Variants in PPP1R9A observed in about 807,000 individuals in gnomAD.
The protein encoded by PPP1R9A is neurabin-1.
A neutral mutation model predicts 141.9 loss-of-function variants in PPP1R9A; 59 were observed. The ratio of observed to expected loss-of-function variants is 0.42; its 90% CI spans 0.34 to 0.52. The LOEUF (loss-of-function observed/expected upper bound fraction) is 0.52. Ranked by LOEUF, PPP1R9A falls within the 20% of genes least tolerant of loss-of-function variation. The pLI, the probability that PPP1R9A is intolerant of heterozygous loss-of-function variation, is 0.10. For missense variants in PPP1R9A, 1,444 were observed against 1,611.9 expected, an observed-to-expected ratio of 0.90 and a Z score of 1.78; for synonymous variants, 500 against 569.7, an observed-to-expected ratio of 0.88 and a Z score of 1.74.
chr7:95,083,351 G>A (rs1816186683), intron 2 of PPP1R9A, among the ~76,000 whole-genome samples: 1 of 151,388 alleles, frequency 6.6e-6, no homozygotes, highest in Admixed American at 6.6e-5. Flanking sequence ...CCCGGTATAG[G>A]GCAAGACACC....
At chr7:95,128,928 C>T (rs1174234724) in intron 4 of PPP1R9A, among the ~76,000 whole-genome samples, 1 of 152,118 alleles carries the variant, frequency 6.6e-6, no homozygotes, top group African/African-American at 2.4e-5. Flanking sequence ...CTCCCAAGGC[C>T]AATGTCCTGA....
intron 12 of PPP1R9A, among the ~76,000 whole-genome samples, chr7:95,263,574 C>A (rs879850560): frequency 6.6e-6 from 1 of 151,990 alleles, no homozygotes; most frequent in Non-Finnish European, 1.5e-5. Context: ...CAGGTGCACG[C>A]CATCACACCT....
chr7:95,199,746 G>A (rs550820266), intron 6 of PPP1R9A, among the ~76,000 whole-genome samples: 1 of 152,270 alleles, frequency 6.6e-6, no homozygotes, highest in Admixed American at 6.5e-5. Flanking sequence ...TATTTTGTAT[G>A]AAAAATGTTC....
chr7:95,080,872 C>T (rs1380625772), intron 2 of PPP1R9A, among the ~76,000 whole-genome samples: 1 of 152,094 alleles, frequency 6.6e-6, no homozygotes, highest in Non-Finnish European at 1.5e-5. Context: ...GTCAAAACAG[C>T]AGAGATTTAT....
intron 4 of PPP1R9A, among the ~76,000 whole-genome samples, chr7:95,136,530 A>G (rs982719766): frequency 6.6e-6 from 1 of 152,236 alleles, no homozygotes; most frequent in Admixed American, 6.5e-5. Flanking sequence ...TAGTCAGGAA[A>G]GATGTTTTCT....
chr7:95,217,424 A>G (rs929222480), intron 7 of PPP1R9A, among the ~76,000 whole-genome samples: 2 of 152,138 alleles, frequency 1.3e-5, no homozygotes, highest in Non-Finnish European at 2.9e-5. Context: ...TTGGTCTAAA[A>G]TTCTCTTTTT....
chr7:95,137,181 C>A, intron 4 of PPP1R9A, among the ~76,000 whole-genome samples: 1 of 151,026 alleles, frequency 6.6e-6, no homozygotes, highest in Non-Finnish European at 1.5e-5. Flanking sequence ...GTGTGCTGCA[C>A]CCATTAACTC....
intron 2 of PPP1R9A, among the ~76,000 whole-genome samples, chr7:94,963,504 A>G (rs1418826361): frequency 6.6e-6 from 1 of 152,000 alleles, no homozygotes; most frequent in Admixed American, 6.6e-5. Context: ...TTTTTTCTGG[A>G]TTGGCTTGTT....
At chr7:95,053,725 A>G (rs80070785) in intron 2 of PPP1R9A, among the ~76,000 whole-genome samples, 10,132 of 152,188 alleles carry the variant, frequency 0.067, 426 homozygotes, top group African/African-American at 0.12. Context: ...ACATTGCTGT[A>G]TGTGGTGGTC....
At chr7:95,012,375 C>G (rs1016579153) in intron 2 of PPP1R9A, among the ~76,000 whole-genome samples, 1 of 152,046 alleles carries the variant, frequency 6.6e-6, no homozygotes, top group Admixed American at 6.6e-5. Flanking sequence ...GAGAACAGCA[C>G]TAGGGGAATA....
intron 2 of PPP1R9A, among the ~76,000 whole-genome samples, chr7:94,972,912 C>G (rs1799013705): frequency 6.6e-6 from 1 of 152,176 alleles, no homozygotes; most frequent in Non-Finnish European, 1.5e-5. Flanking sequence ...TTAATACACT[C>G]TTACTGAATC....
rs1412649525 is a variant in PPP1R9A at position 95,291,084 on chromosome 7, A to C, written c.*781A>C. 2 of 152,130 alleles carry C rather than the reference A, an allele frequency of 1.3e-5. No homozygotes were observed. Among genetic ancestry groups the C allele is most frequent in the Non-Finnish European group, 1.5e-5 (1 of 68,040 alleles). The allele number at this position is 152,130 out of a possible 1,614,324, so 9.4% of individuals were successfully genotyped here. A position where few individuals can be genotyped will look rare whatever the true frequency, so the allele number is the denominator to read the frequency against. ...AATCAGACATTAATGCAGCCATGGG[A>C]TATTGGGATCTGTTGACCTTGCTAC... On this transcript the variant is annotated 3_prime_UTR_variant, in exon 20 of 20. Coordinates refer to ENST00000433360, the MANE Select transcript of PPP1R9A (RefSeq NM_001166160.2).
chr7:95,276,843 A>G (rs939633794), intron 16 of PPP1R9A, among the ~76,000 whole-genome samples: 8 of 152,224 alleles, frequency 5.3e-5, no homozygotes, highest in African/African-American at 1.9e-4. Context: ...GTTAACACTA[A>G]TAAAATCTGT....
In PPP1R9A at chr7:95,189,334, C is replaced by G. The variant is rs555787760; in HGVS notation, c.1755-9015C>G. Among the ~76,000 whole-genome samples the G allele has an allele frequency of 3.3e-5, 5 of 151,804 alleles. No individual in the cohort carries two copies. The East Asian group carries it at 9.7e-4, about 29-fold the overall frequency. On this transcript the variant is annotated intron_variant, in intron 5 of 19. Coordinates refer to ENST00000433360, the MANE Select transcript of PPP1R9A (RefSeq NM_001166160.2). Reference sequence around the variant, plus strand: ...ATTTATTTCCCAGGTGTTCTTTGAGCCTCATTGTATTTGGATCCTCTTCCT... The same window carrying G: ...ATTTATTTCCCAGGTGTTCTTTGAGGCTCATTGTATTTGGATCCTCTTCCT...
chr7:94,974,216 G>C (rs1464648139), intron 2 of PPP1R9A, among the ~76,000 whole-genome samples: 1 of 152,116 alleles, frequency 6.6e-6, no homozygotes, highest in Non-Finnish European at 1.5e-5. Flanking sequence ...AGCTTGGTAA[G>C]GTTCTGATTT....
chr7:94,981,041 C>T (rs1373498699), intron 2 of PPP1R9A, among the ~76,000 whole-genome samples: 1 of 152,106 alleles, frequency 6.6e-6, no homozygotes, highest in African/African-American at 2.4e-5. Flanking sequence ...TTGTAAATTG[C>T]TGTGCAGCTG....
chr7:95,139,134 C>T (rs1826182493), intron 4 of PPP1R9A, among the ~76,000 whole-genome samples: 1 of 152,124 alleles, frequency 6.6e-6, no homozygotes, highest in African/African-American at 2.4e-5. Context: ...ATACCCAAGG[C>T]TGGGTAATTG....
At chr7:95,164,741 CTTTTTTT>C (rs200177321) in intron 5 of PPP1R9A, among the ~76,000 whole-genome samples, 9 of 66,134 alleles carry the variant, frequency 1.4e-4, no homozygotes, top group South Asian at 5.8e-4. Flanking sequence ...CTTTTCTTTT[CTTTTTTT>C]TTTTTTTTTT....
intron 2 of PPP1R9A, among the ~76,000 whole-genome samples, chr7:94,954,843 G>A (rs982199291): frequency 2.7e-5 from 1 of 36,750 alleles, no homozygotes; most frequent in Non-Finnish European, 5.9e-5. Context: ...GCGTGTGTGT[G>A]TGTGTGTGTG....
Sources: allele counts gnomAD v4.1 joint callset (sites outside exome capture counted in the v4.1 genomes callset), GRCh38; gene constraint gnomAD v4.1.1; transcripts MANE v1.5; gene names NCBI Gene and HGNC (gene_info 2026-07-23, HGNC 2026-07-21).